Variants in ZBTB20 observed in about 807,000 individuals in gnomAD.
ZBTB20 encodes the protein zinc finger and BTB domain-containing protein 20.
Under a neutral mutation model 56.9 loss-of-function variants are expected in ZBTB20, and 9 were observed. That is an observed-to-expected ratio of 0.16 (90% CI 0.10 to 0.28). The LOEUF (loss-of-function observed/expected upper bound fraction) is 0.28. Among genes scored for constraint, ZBTB20 ranks in the 10% least tolerant of loss-of-function variants. The pLI, the probability that ZBTB20 is intolerant of heterozygous loss-of-function variation, is 1.00. For synonymous variants in ZBTB20, 417 were observed against 420.7 expected (o/e 0.99, Z 0.11); for missense variants, 655 against 1,003.0 (o/e 0.65, Z 4.69).
At chr3:114,923,165 A>G (rs1029000012) in intron 3 of ZBTB20, among the ~76,000 whole-genome samples, 2 of 152,242 alleles carry the variant, frequency 1.3e-5, no homozygotes, top group Non-Finnish European at 2.9e-5. Flanking sequence ...AAGCATTTTC[A>G]GATTCAATGC....
At chr3:115,124,114 G>T (rs2084257407) in intron 1 of ZBTB20, among the ~76,000 whole-genome samples, 2 of 152,062 alleles carry the variant, frequency 1.3e-5, no homozygotes, top group South Asian at 4.1e-4. Context: ...AGCTAAAAAT[G>T]GTATTAATAA....
intron 3 of ZBTB20, among the ~76,000 whole-genome samples, chr3:114,925,140 C>T (rs2076107936): frequency 6.6e-6 from 1 of 151,796 alleles, no homozygotes; most frequent in African/African-American, 2.4e-5. Context: ...CATGCCACCA[C>T]ACCCAGCTAA....
chr3:114,419,875 T>C (rs974304417), intron 7 of ZBTB20, among the ~76,000 whole-genome samples: 1 of 152,108 alleles, frequency 6.6e-6, no homozygotes, highest in African/African-American at 2.4e-5. Flanking sequence ...TTAAATATCA[T>C]AAATTGTTCG....
At chr3:114,575,719 A>C (rs1005304539) in intron 6 of ZBTB20, among the ~76,000 whole-genome samples, 10 of 152,230 alleles carry the variant, frequency 6.6e-5, no homozygotes, top group Admixed American at 1.3e-4. Flanking sequence ...TATATTCAAG[A>C]ATCCCACTGT....
chr3:114,565,560 T>A (rs1424114640), intron 6 of ZBTB20, among the ~76,000 whole-genome samples: 2 of 152,228 alleles, frequency 1.3e-5, no homozygotes, highest in African/African-American at 4.8e-5. Context: ...CCAGAGTAGC[T>A]GGAACAGGCA....
At chr3:114,666,063 C>A (rs2061038294) in intron 6 of ZBTB20, among the ~76,000 whole-genome samples, 1 of 151,978 alleles carries the variant, frequency 6.6e-6, no homozygotes, top group Non-Finnish European at 1.5e-5. Context: ...CTTGCATTCT[C>A]TGATTTTCGC....
intron 1 of ZBTB20, among the ~76,000 whole-genome samples, chr3:115,108,465 G>A (rs926185440): frequency 1.3e-5 from 2 of 152,148 alleles, no homozygotes; most frequent in African/African-American, 4.8e-5. Flanking sequence ...GGAAGAAGAG[G>A]AGTAGTGGGA....
At chr3:114,805,766 C>T (rs1455288540) in intron 4 of ZBTB20, among the ~76,000 whole-genome samples, 3 of 151,794 alleles carry the variant, frequency 2.0e-5, no homozygotes, top group Non-Finnish European at 4.4e-5. Flanking sequence ...GGGAGTCAAT[C>T]CCTAGACCCA....
intron 4 of ZBTB20, among the ~76,000 whole-genome samples, chr3:114,805,948 T>C (rs1277276125): frequency 6.6e-6 from 1 of 151,926 alleles, no homozygotes; most frequent in Non-Finnish European, 1.5e-5. Context: ...TACTGATGAA[T>C]ACTATTCCAC....
intron 5 of ZBTB20, among the ~76,000 whole-genome samples, chr3:114,766,248 G>T (rs1367510357): frequency 6.6e-6 from 1 of 152,120 alleles, no homozygotes; most frequent in East Asian, 1.9e-4. Context: ...GGGAATATGA[G>T]AAGGCTAGCT....
intron 5 of ZBTB20, among the ~76,000 whole-genome samples, chr3:114,718,782 C>T (rs1025351225): frequency 6.6e-6 from 1 of 152,048 alleles, no homozygotes; most frequent in Admixed American, 6.6e-5. Context: ...TAAATTCTTC[C>T]ACAGAGTCAG....
chr3:115,122,849 A>G (rs1400180894), intron 1 of ZBTB20, among the ~76,000 whole-genome samples: 1 of 152,088 alleles, frequency 6.6e-6, no homozygotes, highest in East Asian at 1.9e-4. Context: ...ACATAGCTAT[A>G]TCATTTACCA....
intron 5 of ZBTB20, among the ~76,000 whole-genome samples, chr3:114,751,887 G>A (rs537849629): frequency 6.6e-5 from 10 of 152,054 alleles, no homozygotes; most frequent in African/African-American, 1.2e-4. Flanking sequence ...TCTCTGACCC[G>A]CTCTCAGTAA....
At chr3:115,063,729 T>C (rs879291353) in intron 2 of ZBTB20, among the ~76,000 whole-genome samples, 2 of 151,948 alleles carry the variant, frequency 1.3e-5, no homozygotes, top group Admixed American at 6.6e-5. Flanking sequence ...ACAAAGTTTA[T>C]ACAAAATACA....
At chr3:114,691,969 C>A (rs1254174929) in intron 6 of ZBTB20, among the ~76,000 whole-genome samples, 1 of 152,094 alleles carries the variant, frequency 6.6e-6, no homozygotes, top group Non-Finnish European at 1.5e-5. Context: ...TGCAAACACA[C>A]AGCATTGCCC....
At chr3:114,625,172 C>T (rs578012975) in intron 6 of ZBTB20, among the ~76,000 whole-genome samples, 2 of 151,900 alleles carry the variant, frequency 1.3e-5, no homozygotes, top group South Asian at 2.1e-4. Flanking sequence ...AAAATGAAAG[C>T]GCCTCATCAG....
chr3:114,460,592 T>C (rs2092286578), intron 7 of ZBTB20, among the ~76,000 whole-genome samples: 1 of 152,182 alleles, frequency 6.6e-6, no homozygotes, highest in Non-Finnish European at 1.5e-5. Flanking sequence ...GATCCTCCTT[T>C]ATAGCCGCTA....
At chr3:114,401,837 G>C (rs1249802166) in intron 7 of ZBTB20, among the ~76,000 whole-genome samples, 1 of 152,116 alleles carries the variant, frequency 6.6e-6, no homozygotes, top group Non-Finnish European at 1.5e-5. Context: ...ATTTGTTTGA[G>C]AACAAATACA....
intron 3 of ZBTB20, among the ~76,000 whole-genome samples, chr3:114,966,398 T>G (rs1576445262): frequency 6.6e-6 from 1 of 152,196 alleles, no homozygotes. Context: ...AAAGTTTTAA[T>G]ATTTTCTAAA....
Sources: allele counts gnomAD v4.1 joint callset (sites outside exome capture counted in the v4.1 genomes callset), GRCh38; gene constraint gnomAD v4.1.1; transcripts MANE v1.5; gene names NCBI Gene and HGNC (gene_info 2026-07-23, HGNC 2026-07-21).